Variants in RABGAP1 observed in about 807,000 individuals in gnomAD.
RABGAP1 encodes RAB GTPase activating protein 1.
RABGAP1 carries 23 observed loss-of-function variants against 137.6 expected under a neutral mutation model. The observed-to-expected ratio is 0.17, with a 90% CI of 0.12 to 0.24. The LOEUF is 0.24. Among genes scored for constraint, RABGAP1 ranks in the 10% least tolerant of loss-of-function variants. The pLI is 1.00. For synonymous variants in RABGAP1, 451 were observed against 450.7 expected, an observed-to-expected ratio of 1.00 and a Z score of -0.01; for missense variants, 906 against 1,275.8, an observed-to-expected ratio of 0.71 and a Z score of 4.42.
intron 4 of RABGAP1, 50 bp from the exon 5 acceptor site, chr9:122,989,247 C>T (rs1302320268): frequency 2.0e-6 from 3 of 1,467,260 alleles, no homozygotes; most frequent in Admixed American, 3.4e-5. Context: ...AAACGTAGTG[C>T]AGATTGTTCA....
intron 21 of RABGAP1, among the ~76,000 whole-genome samples, chr9:123,092,923 A>G (rs1588408139): frequency 1.3e-5 from 2 of 152,160 alleles, no homozygotes; most frequent in East Asian, 3.9e-4. Flanking sequence ...GGAGCATCAC[A>G]CCAGGGCCCA....
In RABGAP1 at chr9:122,975,162, C is replaced by A. The variant is rs192510796; in HGVS notation, c.151-9323C>A. On this transcript the variant is annotated intron_variant, in intron 2 of 25. Transcript: ENST00000373647. ...TGGAAACTGTAGATCATCAGGAATT[C>A]GTCTTTAATTTTCTGATCATCTAGG... Among the ~76,000 whole-genome samples the A allele has an allele frequency of 2.0e-5, 3 of 152,262 alleles. No individual in the cohort carries two copies. The East Asian group carries it at 5.8e-4, about 29-fold the overall frequency.
intron 13 of RABGAP1, chr9:123,034,878 A>G (rs777652437): frequency 1.1e-5 from 18 of 1,613,858 alleles, no homozygotes; most frequent in Non-Finnish European, 1.5e-5. Context: ...CTTGCCAGAT[A>G]TTTGGTTTTG....
intron 22 of RABGAP1, 35 bp from the exon 23 acceptor site, chr9:123,098,680 T>C (rs771556503): frequency 1.9e-6 from 3 of 1,586,460 alleles, no homozygotes; most frequent in Non-Finnish European, 2.6e-6. Context: ...TATTTTTCTG[T>C]TAACATAGTC....
At chr9:123,015,777 T>C in intron 12 of RABGAP1, 141 bp downstream of exon 12, 1 of 545,708 alleles carries the variant, frequency 1.8e-6, no homozygotes, top group Non-Finnish European at 3.2e-6. Flanking sequence ...TTTAGGGATT[T>C]ATATGAGTAA....
At position 123,084,117 on chromosome 9, in the gene RABGAP1, T is replaced by C. The variant is rs79998979; in HGVS notation, c.2425-5641T>C. Among the ~76,000 whole-genome samples, 9 of 152,340 alleles carry C rather than the reference T, an allele frequency of 5.9e-5. No homozygotes were observed. In the East Asian group the frequency reaches 1.5e-3, roughly 26 times the overall value. On this transcript the variant is annotated intron_variant, in intron 19 of 25. Transcript: ENST00000373647. ...GATATGATAAGTATCACCTGTGATA[T>C]GATCTATGATAGAGTAAAATGAGGG...
In RABGAP1 at chr9:122,996,102, A is replaced by G. The variant is rs890040132; in HGVS notation, c.985A>G (p.Ile329Val). 1 of 1,613,734 alleles carries G rather than the reference A, an allele frequency of 6.2e-7. No individual in the cohort carries two copies. The highest frequency in any genetic ancestry group is 2.2e-5 in the East Asian group (1 of 44,844). The change falls in exon 7 of 26, where the codon ATT becomes GTT. Residue 329 changes from isoleucine (I) to valine (V), a missense_variant. Coordinates refer to ENST00000373647, the MANE Select transcript of RABGAP1 (RefSeq NM_012197.4). ...FKLRQGIDKK[I>V]VIYVQQTTNK... ...ACTACGCCAAGGAATTGATAAGAAGATTGTCATCTATGTGCAGCAAACAAC... is the reference window on the plus strand; with the variant it reads ...ACTACGCCAAGGAATTGATAAGAAGGTTGTCATCTATGTGCAGCAAACAAC...
At chr9:123,003,517 T>A (rs1564124281) in intron 10 of RABGAP1, among the ~76,000 whole-genome samples, 6 of 152,342 alleles carry the variant, frequency 3.9e-5, no homozygotes, top group Admixed American at 3.9e-4. Context: ...AAAGCAAATT[T>A]AAGAATATAC....
chr9:123,031,989 C>T (rs1385084226), intron 13 of RABGAP1, among the ~76,000 whole-genome samples: 1 of 152,220 alleles, frequency 6.6e-6, no homozygotes, highest in Non-Finnish European at 1.5e-5. Flanking sequence ...TTTGTATATG[C>T]ATAGCCTCAA....
At chr9:123,077,235 G>T (rs917696506) in intron 19 of RABGAP1, among the ~76,000 whole-genome samples, 5 of 151,192 alleles carry the variant, frequency 3.3e-5, no homozygotes, top group Non-Finnish European at 7.4e-5. Flanking sequence ...TTGCAGCCTG[G>T]ACCTCCCAGG....
intron 16 of RABGAP1, 125 bp downstream of exon 16, chr9:123,073,802 A>G (rs2132150430): frequency 7.8e-7 from 1 of 1,280,642 alleles, no homozygotes. Context: ...GATGGGTTTC[A>G]TTTTTATCCT....
intron 1 of RABGAP1, among the ~76,000 whole-genome samples, chr9:122,943,349 G>C (rs1833728593): frequency 6.6e-6 from 1 of 152,096 alleles, no homozygotes; most frequent in Non-Finnish European, 1.5e-5. Context: ...GATTACAGGC[G>C]TGAGCCACTG....
chr9:123,092,938 G>GC (rs2132222817), intron 21 of RABGAP1, among the ~76,000 whole-genome samples: 1 of 152,212 alleles, frequency 6.6e-6, no homozygotes, highest in African/African-American at 2.4e-5. Context: ...GGCCCATCCT[G>GC]CAGTCATCTA....
chr9:123,065,276 C>A, intron 13 of RABGAP1, 72 bp from the exon 14 acceptor site: 5 of 1,074,340 alleles, frequency 4.7e-6, no homozygotes, highest in South Asian at 4.2e-5. Context: ...AATGAGAAGA[C>A]CTTGCCTAAA....
chr9:122,934,065 C>CCTTTT, the RABGAP1 span, among the ~76,000 whole-genome samples: 97 of 151,268 alleles, frequency 6.4e-4, no homozygotes, highest in African/African-American at 2.1e-3. Flanking sequence ...CTTTTCCTAA[C>CCTTTT]CTTTTCTTTT....
chr9:122,989,824 G>C (rs1836570387), intron 5 of RABGAP1: 1 of 509,250 alleles, frequency 2.0e-6, no homozygotes, highest in African/African-American at 1.9e-5. Context: ...AATTTAGGAA[G>C]TGATTTTTAA....
At chr9:122,989,599 T>C in intron 5 of RABGAP1, 128 bp downstream of exon 5, 2 of 1,070,460 alleles carry the variant, frequency 1.9e-6, no homozygotes, top group Non-Finnish European at 1.3e-6. Context: ...GTTTTAGTGA[T>C]TCTAGCCTCA....
Position 123,010,367 on chromosome 9 carries a change from A to G in RABGAP1, c.1388A>G (p.Glu463Gly). 1.2e-6 allele frequency: 2 copies of G among 1,611,032 alleles called. No individual in the cohort carries two copies. The highest frequency in any genetic ancestry group is 2.7e-5 in the African/African-American group (2 of 74,982). Residue 463 changes from glutamate to glycine, a missense_variant, in exon 11 of 26, where the codon GAG becomes GGG. Physicochemically the swap from Glu to Gly is moderately conservative, Grantham distance 98. This residue lies in a region of RABGAP1 where 212 missense variants were observed against 289.4 expected (regional missense o/e 0.73). Transcript: ENST00000373647. ...TTCATCTTCAAGATAAAGCAAAGGGAGAGAAAGAATAATACTGACACTTTA... is the reference window on the plus strand; with the variant it reads ...TTCATCTTCAAGATAAAGCAAAGGGGGAGAAAGAATAATACTGACACTTTA... ...FLKLKQIKQRERKNNTDTLYE... is the reference protein window; with the variant it reads ...FLKLKQIKQRGRKNNTDTLYE...
chr9:123,064,485 T>C (rs2034102595), intron 13 of RABGAP1, among the ~76,000 whole-genome samples: 1 of 152,236 alleles, frequency 6.6e-6, no homozygotes, highest in Non-Finnish European at 1.5e-5. Context: ...ACTTGCATTT[T>C]TCATCTTAAA....
Sources: allele counts gnomAD v4.1 joint callset (sites outside exome capture counted in the v4.1 genomes callset), GRCh38; gene constraint gnomAD v4.1.1; regional missense constraint gnomAD v4.1.1; transcripts MANE v1.5; gene names NCBI Gene and HGNC (gene_info 2026-07-23, HGNC 2026-07-21).